XKR4: variants seen among roughly 807,000 people sequenced by gnomAD.
XKR4 encodes the protein XK-related protein 4.
In XKR4, 12 loss-of-function variants were observed where a neutral mutation model predicts 53.9. That is an observed-to-expected ratio of 0.22 (90% CI 0.14 to 0.36). The LOEUF is 0.36. Ranked by LOEUF, XKR4 falls within the 10% of genes least tolerant of loss-of-function variation. The probability of loss-of-function intolerance (pLI) is 1.00; values close to 1 mark genes in which losing one functional copy is unlikely to be tolerated. For synonymous variants in XKR4, 354 were observed against 362.4 expected (o/e 0.98, Z 0.26); for missense variants, 799 against 859.5 (o/e 0.93, Z 0.88).
At chr8:55,428,314 G>A (rs1029874261) in intron 2 of XKR4, among the ~76,000 whole-genome samples, 1 of 152,096 alleles carries the variant, frequency 6.6e-6, no homozygotes, top group Non-Finnish European at 1.5e-5. Flanking sequence ...TTCAGATTTG[G>A]GGATGACGTC....
chr8:55,162,530 C>T (rs1345276235), intron 1 of XKR4, among the ~76,000 whole-genome samples: 1 of 152,136 alleles, frequency 6.6e-6, no homozygotes, highest in African/African-American at 2.4e-5. Flanking sequence ...TTAAATAAGA[C>T]AATGTATCTA....
intron 2 of XKR4, among the ~76,000 whole-genome samples, chr8:55,373,249 C>T (rs775552672): frequency 1.2e-4 from 18 of 152,128 alleles, no homozygotes; most frequent in African/African-American, 2.4e-4. Context: ...TCACTGCACC[C>T]GCCACCTCCG....
intron 1 of XKR4, among the ~76,000 whole-genome samples, chr8:55,119,305 G>C (rs998551441): frequency 3.3e-5 from 5 of 152,026 alleles, no homozygotes; most frequent in African/African-American, 1.2e-4. Context: ...TCTCAGACTG[G>C]GAAGTCCCTC....
chr8:55,459,230 A>T (rs1426771580), intron 2 of XKR4, among the ~76,000 whole-genome samples: 1 of 152,202 alleles, frequency 6.6e-6, no homozygotes, highest in Non-Finnish European at 1.5e-5. Context: ...CATGAGAAAA[A>T]AAATGATCAT....
At chr8:55,453,667 G>T (rs1585581939) in intron 2 of XKR4, 1 of 416,880 alleles carries the variant, frequency 2.4e-6, no homozygotes. Context: ...CCAGCCAGGG[G>T]AAGGGCCGGG....
intron 1 of XKR4, among the ~76,000 whole-genome samples, chr8:55,262,733 A>T (rs1818544760): frequency 6.6e-6 from 1 of 152,154 alleles, no homozygotes; most frequent in Non-Finnish European, 1.5e-5. Flanking sequence ...GTGGTGCTTT[A>T]TTATTGCAGC....
Position 55,530,340 on chromosome 8 carries a change from C to T in XKR4, c.*6113C>T, listed in dbSNP as rs1806933549. 6.6e-6 allele frequency: 1 copy of T among 152,090 alleles called. No individual in the cohort carries two copies. Among genetic ancestry groups the T allele is most frequent in the South Asian group, 2.1e-4 (1 of 4,826 alleles). 9.4% of individuals were successfully genotyped at this position (152,090 alleles called of 1,614,324 possible). ...TTAATATTTAAGAGGATTATTAAAC[C>T]ACTAGCTTGAACAATCATATAAGTC... On this transcript the variant is annotated 3_prime_UTR_variant, in exon 3 of 3. Transcript: ENST00000327381.
intron 1 of XKR4, among the ~76,000 whole-genome samples, chr8:55,303,301 A>C (rs1169519202): frequency 1.3e-5 from 2 of 152,216 alleles, no homozygotes; most frequent in African/African-American, 4.8e-5. Flanking sequence ...GATTACATTT[A>C]TTGATTTGTG....
chr8:55,459,840 G>T (rs999192546), intron 2 of XKR4, among the ~76,000 whole-genome samples: 1 of 152,126 alleles, frequency 6.6e-6, no homozygotes, highest in African/African-American at 2.4e-5. Flanking sequence ...AAATGGTACA[G>T]TCACTTTAGA....
intron 1 of XKR4, among the ~76,000 whole-genome samples, chr8:55,115,876 TA>T (rs1816299456): frequency 6.6e-6 from 1 of 152,188 alleles, no homozygotes; most frequent in Admixed American, 6.5e-5. Context: ...CTCACAGTTT[TA>T]TGCAGTACTC....
At chr8:55,492,764 G>A (rs1428872532) in intron 2 of XKR4, among the ~76,000 whole-genome samples, 1 of 152,154 alleles carries the variant, frequency 6.6e-6, no homozygotes, top group East Asian at 1.9e-4. Flanking sequence ...GTCTTAAAAG[G>A]CCTTTAAATT....
chr8:55,445,470 A>G (rs767241800), intron 2 of XKR4, among the ~76,000 whole-genome samples: 12 of 152,208 alleles, frequency 7.9e-5, no homozygotes, highest in Admixed American at 4.6e-4. Flanking sequence ...CTATATGAAT[A>G]TGTCTGCCCC....
intron 2 of XKR4, among the ~76,000 whole-genome samples, chr8:55,381,182 A>C (rs2129387485): frequency 6.6e-6 from 1 of 152,352 alleles, no homozygotes; most frequent in Non-Finnish European, 1.5e-5. Flanking sequence ...TGAAAAAATT[A>C]AAATTAAATA....
chr8:55,129,044 C>T (rs1475913906), intron 1 of XKR4, among the ~76,000 whole-genome samples: 3 of 152,142 alleles, frequency 2.0e-5, no homozygotes, highest in Non-Finnish European at 2.9e-5. Flanking sequence ...TCTCACATGC[C>T]AGCTGAATTT....
At chr8:55,221,660 G>A (rs568519328) in intron 1 of XKR4, among the ~76,000 whole-genome samples, 10 of 152,250 alleles carry the variant, frequency 6.6e-5, no homozygotes, top group African/African-American at 9.6e-5. Flanking sequence ...CACCCCCATC[G>A]CTCTCTTCAG....
intron 2 of XKR4, among the ~76,000 whole-genome samples, chr8:55,414,894 T>C (rs1458204185): frequency 6.6e-6 from 1 of 152,180 alleles, no homozygotes; most frequent in Non-Finnish European, 1.5e-5. Flanking sequence ...CATCTCAAAG[T>C]AGACGCCACA....
At chr8:55,233,277 C>G (rs993462747) in intron 1 of XKR4, among the ~76,000 whole-genome samples, 1 of 152,210 alleles carries the variant, frequency 6.6e-6, no homozygotes, top group African/African-American at 2.4e-5. Context: ...CAGTTTTCTA[C>G]AATGAATAAA....
intron 1 of XKR4, among the ~76,000 whole-genome samples, chr8:55,256,344 A>G (rs1235665999): frequency 6.6e-6 from 1 of 152,234 alleles, no homozygotes; most frequent in Non-Finnish European, 1.5e-5. Flanking sequence ...TGCATTTTGT[A>G]TGAATCCCCT....
At chr8:55,499,908 C>G (rs982638942) in intron 2 of XKR4, among the ~76,000 whole-genome samples, 1 of 152,096 alleles carries the variant, frequency 6.6e-6, no homozygotes, top group African/African-American at 2.4e-5. Context: ...CCTAGGTGTG[C>G]CCTCCTTGTG....
Sources: gnomAD v4.1 joint callset for allele counts (sites outside exome capture counted in the v4.1 genomes callset) on GRCh38, gnomAD v4.1.1 for gene constraint, MANE v1.5 for transcripts, NCBI Gene and HGNC (gene_info 2026-07-23, HGNC 2026-07-21) for gene names.